EEIG1: variants seen among roughly 807,000 people sequenced by gnomAD.
EEIG1 encodes estrogen-induced osteoclastogenesis regulator 1.
At chr9:127,954,992 G>A in the EEIG1 span, among the ~76,000 whole-genome samples, 23 of 152,216 alleles carry the variant, frequency 1.5e-4, no homozygotes, top group African/African-American at 5.3e-4. Context: ...GCAGCGGCAC[G>A]TGGCAGAACC....
the EEIG1 span, among the ~76,000 whole-genome samples, chr9:127,980,740 G>C: frequency 6.7e-6 from 1 of 149,902 alleles, no homozygotes; most frequent in Non-Finnish European, 1.5e-5. Flanking sequence ...GGCGCGTCGG[G>C]GTCGCTGCGG....
the EEIG1 span, among the ~76,000 whole-genome samples, chr9:127,974,775 T>C: frequency 6.6e-6 from 1 of 152,158 alleles, no homozygotes; most frequent in Non-Finnish European, 1.5e-5. Context: ...GAAACAGGGC[T>C]GTCTAATCAT....
the EEIG1 span, among the ~76,000 whole-genome samples, chr9:127,970,149 T>G: frequency 6.6e-6 from 1 of 152,308 alleles, no homozygotes; most frequent in Non-Finnish European, 1.5e-5. Flanking sequence ...AATCTTGCGC[T>G]GTCGCCTACG....
At chr9:127,948,432 A>G in the EEIG1 span, 1 of 1,613,734 alleles carries the variant, frequency 6.2e-7, no homozygotes, top group Admixed American at 1.7e-5. Flanking sequence ...GAGGGGAGCA[A>G]TCAGCTATGC....
chr9:127,945,568 AG>A, the EEIG1 span: 9 of 1,563,742 alleles, frequency 5.8e-6, no homozygotes, highest in Non-Finnish European at 6.9e-6. This position sits in a 1 kb window ranked among gnomAD's most constrained non-coding sequence, Gnocchi z 6.5. Flanking sequence ...GTAGCCTGTC[AG>A]GGGCGACGCA....
the EEIG1 span, among the ~76,000 whole-genome samples, chr9:127,954,087 C>G: frequency 6.6e-6 from 1 of 152,236 alleles, no homozygotes; most frequent in Non-Finnish European, 1.5e-5. Context: ...CAAGAATGTA[C>G]TCGTGTAGTT....
chr9:127,974,400 G>C, the EEIG1 span, among the ~76,000 whole-genome samples: 1 of 152,120 alleles, frequency 6.6e-6, no homozygotes, highest in Non-Finnish European at 1.5e-5. Context: ...CCATACCCCA[G>C]CTCCTCGCCT....
chr9:127,954,062 G>C, the EEIG1 span: 1 of 1,006,128 alleles, frequency 9.9e-7, no homozygotes. Context: ...TCACAAAATA[G>C]CTGTGTTTTC....
chr9:127,950,718 G>A, the EEIG1 span: 25 of 1,399,904 alleles, frequency 1.8e-5, no homozygotes, highest in East Asian at 5.3e-4. Flanking sequence ...CCCCGGGTCG[G>A]CAGCACCAAC....
the EEIG1 span, chr9:127,943,073 G>A: frequency 1.1e-6 from 1 of 886,710 alleles, no homozygotes; most frequent in Admixed American, 1.9e-5. Flanking sequence ...GGAGTGCATG[G>A]AGGAGGCATG....
the EEIG1 span, among the ~76,000 whole-genome samples, chr9:127,959,946 G>A: frequency 6.6e-6 from 1 of 152,288 alleles, no homozygotes; most frequent in African/African-American, 2.4e-5. Flanking sequence ...TGTGATGATG[G>A]TTGTGCAACT....
At chr9:127,956,593 T>C in the EEIG1 span, among the ~76,000 whole-genome samples, 3 of 152,102 alleles carry the variant, frequency 2.0e-5, no homozygotes, top group African/African-American at 2.4e-5. Flanking sequence ...CTATTTTTGG[T>C]AGAGACGGGG....
At chr9:127,950,319 A>C in the EEIG1 span, 131 of 1,061,100 alleles carry the variant, frequency 1.2e-4, no homozygotes, top group Middle Eastern at 2.1e-4. Context: ...CTATTCAGGT[A>C]AGGCCTGTAT....
chr9:127,945,423 G>T, the EEIG1 span: 2 of 1,572,910 alleles, frequency 1.3e-6, no homozygotes, highest in African/African-American at 2.7e-5. The surrounding 1 kb of genome is among the most constrained non-coding windows in gnomAD (Gnocchi z 6.5). Context: ...GCTTCTCCGG[G>T]GGCCGGTGCT....
chr9:127,979,897 T>C, the EEIG1 span: 21 of 1,433,430 alleles, frequency 1.5e-5, no homozygotes, highest in Non-Finnish European at 1.9e-5. Context: ...CGGATCCTCC[T>C]CACACCGGCC....
chr9:127,941,573 AAAC>A, the EEIG1 span: 1 of 151,932 alleles, frequency 6.6e-6, no homozygotes, highest in African/African-American at 2.4e-5. Flanking sequence ...TAGGTGAGTA[AAAC>A]AACAACAAAT....
chr9:127,973,187 G>A, the EEIG1 span, among the ~76,000 whole-genome samples: 3 of 152,140 alleles, frequency 2.0e-5, no homozygotes, highest in Non-Finnish European at 2.9e-5. The surrounding 1 kb of genome is among the most constrained non-coding windows in gnomAD (Gnocchi z 4.2). Context: ...TGACTGCAGG[G>A]TCACTGCATA....
At chr9:127,966,464 A>G in the EEIG1 span, among the ~76,000 whole-genome samples, 1 of 148,822 alleles carries the variant, frequency 6.7e-6, no homozygotes, top group Non-Finnish European at 1.5e-5. Context: ...AAAAAAGCCC[A>G]TGCAGGCAGG....
chr9:127,964,396 C>T, the EEIG1 span, among the ~76,000 whole-genome samples: 10 of 152,338 alleles, frequency 6.6e-5, no homozygotes, highest in East Asian at 1.7e-3. Flanking sequence ...CCTTGACAAC[C>T]CCAGGTCTCC....
Sources: gnomAD v4.1 joint callset for allele counts (sites outside exome capture counted in the v4.1 genomes callset) on GRCh38, gnomAD v4.1.1 for gene constraint, Gnocchi (gnomAD v3.1) non-coding constraint, MANE v1.5 for transcripts, NCBI Gene and HGNC (gene_info 2026-07-23, HGNC 2026-07-21) for gene names.